Variants in INTS2 observed in about 807,000 individuals in gnomAD.
The protein encoded by INTS2 is KIAA1287.
Under a neutral mutation model 139.6 loss-of-function variants are expected in INTS2, and 57 were observed. The observed-to-expected ratio is 0.41, with a 90% CI of 0.33 to 0.51. The LOEUF (loss-of-function observed/expected upper bound fraction) is 0.51. INTS2 is among the 20% of genes least tolerant of loss of function. The pLI is 0.28. For synonymous variants in INTS2, 473 were observed against 493.4 expected, an observed-to-expected ratio of 0.96 and a Z score of 0.55; for missense variants, 1,196 against 1,436.7, an observed-to-expected ratio of 0.83 and a Z score of 2.71.
intron 15 of INTS2, among the ~76,000 whole-genome samples, chr17:61,888,799 C>A (rs962948999): frequency 1.3e-5 from 2 of 151,996 alleles, no homozygotes; most frequent in African/African-American, 4.8e-5. Context: ...CCGAGGCAGG[C>A]GGATCACGAG....
chr17:61,883,031 A>G (rs1428263967), intron 16 of INTS2, among the ~76,000 whole-genome samples: 1 of 152,214 alleles, frequency 6.6e-6, no homozygotes, highest in Non-Finnish European at 1.5e-5. Context: ...TAACAATCAA[A>G]AATGGCATTA....
At chr17:61,888,051 C>CA (rs954589309) in intron 15 of INTS2, among the ~76,000 whole-genome samples, 50 of 140,338 alleles carry the variant, frequency 3.6e-4, no homozygotes, top group East Asian at 1.0e-3. Flanking sequence ...GATTTTGTCT[C>CA]AAAAAAAAAA....
chr17:61,880,953 A>G (rs546906658), intron 17 of INTS2, 54 bp downstream of exon 17: 3 of 1,340,796 alleles, frequency 2.2e-6, no homozygotes, highest in South Asian at 1.3e-5. Flanking sequence ...CAATTAGCCT[A>G]GCATCTCCTT....
chr17:61,870,803 T>G lies in INTS2; in HGVS notation c.2779-815A>C, dbSNP rs1382631736. 6.6e-6 allele frequency among the ~76,000 whole-genome samples: 1 copy of G among 152,166 alleles called. No individual in the cohort carries two copies. On this transcript the variant is annotated intron_variant, in intron 20 of 24. Coordinates refer to ENST00000251334, the MANE Select transcript of INTS2 (RefSeq NM_001351695.2). The surrounding 1 kb of genome is among the most constrained non-coding windows in gnomAD (Gnocchi z 4.4). ...AGTTTTTGGTTATTGTTATTGTTAT[T>G]GTTTTGTTTTCTTTTGTTGTTGTTG...
chr17:61,881,192 C>A, intron 16 of INTS2, 21 bp from the exon 17 acceptor site: 3 of 1,596,580 alleles, frequency 1.9e-6, no homozygotes, highest in Non-Finnish European at 2.6e-6. Flanking sequence ...TACAGAAAAT[C>A]AATTGGATTC....
rs973806963 is a variant in INTS2, at chr17:61,909,692, T to C, written c.954+1828A>G. Among the ~76,000 whole-genome samples, 18 of 152,196 alleles carry C rather than the reference T, an allele frequency of 1.2e-4. No individual in the cohort carries two copies. Among genetic ancestry groups the C allele is most frequent in the Admixed American group, 5.9e-4 (9 of 15,262 alleles). On this transcript the variant is annotated intron_variant, in intron 7 of 24. Transcript: ENST00000251334. The surrounding 1 kb of genome is among the most constrained non-coding windows in gnomAD (Gnocchi z 4.9). ...TTTGTTTATGCGTTATTTCACTTAA[T>C]ATAATGGCCTCCAGTTCCATCCATG... is the stretch of plus-strand genomic sequence containing the variant.
chr17:61,886,128 G>A (rs1335767950), intron 15 of INTS2, among the ~76,000 whole-genome samples: 1 of 151,892 alleles, frequency 6.6e-6, no homozygotes, highest in East Asian at 1.9e-4. Flanking sequence ...TTGGCTCACT[G>A]CAACCTCTGC....
intron 16 of INTS2, among the ~76,000 whole-genome samples, chr17:61,884,607 C>T (rs1348386147): frequency 6.6e-6 from 1 of 151,932 alleles, no homozygotes; most frequent in Non-Finnish European, 1.5e-5. Context: ...CCACAAGAAC[C>T]TGCTGTTTCT....
chr17:61,911,382 T>C, intron 7 of INTS2, 138 bp downstream of exon 7: 1 of 616,490 alleles, frequency 1.6e-6, no homozygotes, highest in East Asian at 3.2e-5. Flanking sequence ...AGTGATTTTT[T>C]AAAATATAAG....
intron 11 of INTS2, among the ~76,000 whole-genome samples, chr17:61,895,676 A>G (rs1052443121): frequency 1.3e-5 from 2 of 152,144 alleles, no homozygotes; most frequent in Non-Finnish European, 2.9e-5. Context: ...GCCAAGAGAA[A>G]TATGTGTGTG....
chr17:61,897,327 A>G lies in INTS2; in HGVS notation c.1494+142T>C. 1.8e-6 allele frequency: 1 copy of G among 557,528 alleles called. No individual in the cohort carries two copies. Among genetic ancestry groups the G allele is most frequent in the Non-Finnish European group, 3.1e-6 (1 of 318,106 alleles). 34.5% of individuals were successfully genotyped at this position (557,528 alleles called of 1,614,324 possible). Reference sequence around the variant, plus strand: ...TATTTTAGTAAATACAGGTTTCAAAATGCATTTTTCTAAGCGCTCTTGATA... The same window carrying G: ...TATTTTAGTAAATACAGGTTTCAAAGTGCATTTTTCTAAGCGCTCTTGATA... On this transcript the variant is annotated intron_variant, in intron 11 of 24. Coordinates refer to ENST00000251334, the MANE Select transcript of INTS2 (RefSeq NM_001351695.2). This position sits in a 1 kb window ranked among gnomAD's most constrained non-coding sequence, Gnocchi z 4.4.
chr17:61,875,027 A>C lies in INTS2; in HGVS notation c.2468T>G (p.Met823Arg), dbSNP rs917489206. 3 of 1,593,146 alleles carry C rather than the reference A, an allele frequency of 1.9e-6. No individual in the cohort carries two copies. The highest frequency in any genetic ancestry group is 2.6e-6 in the Non-Finnish European group (3 of 1,168,978). Residue 823 changes from methionine to arginine, a missense_variant, in exon 19 of 25, where the codon ATG becomes AGG. Met to Arg is a moderately conservative substitution (Grantham distance 91, BLOSUM62 -1). Around this residue, in one of 3 missense-constraint regions of INTS2, gnomAD observed 1,129 missense variants for 1,341.9 expected, o/e 0.84. Coordinates refer to ENST00000251334, the MANE Select transcript of INTS2 (RefSeq NM_001351695.2). This position sits in a 1 kb window ranked among gnomAD's most constrained non-coding sequence, Gnocchi z 4.6. ...TGAAGGCTGAAGTGCATTAACCGTC[A>C]TTACCCATAGCCTGATAAGAAAATA... ...NTVMPRRLWVMTVNALQPSIK... is the reference protein window; with the variant it reads ...NTVMPRRLWVRTVNALQPSIK...
rs754345780 is a variant in INTS2 at position 61,881,181 on chromosome 17, T to G, written c.2090-10A>C. The stretch of plus-strand genomic sequence containing the variant: ...AAAGCTGAATGCAACCCTTGAAAAT[T>G]TACAGAAAATCAATTGGATTCTTCA... On this transcript the variant is annotated splice_polypyrimidine_tract_variant and intron_variant, in intron 16 of 24. Coordinates refer to ENST00000251334, the MANE Select transcript of INTS2 (RefSeq NM_001351695.2). 8.1e-6 allele frequency: 13 copies of G among 1,603,442 alleles called. No homozygotes were observed. Among genetic ancestry groups the G allele is most frequent in the African/African-American group, 2.7e-5 (2 of 74,508 alleles).
chr17:61,871,129 T>G lies in INTS2; in HGVS notation c.2778+1136A>C, dbSNP rs2079084989. Among the ~76,000 whole-genome samples the G allele has an allele frequency of 6.6e-6, 1 of 152,198 alleles. No homozygotes were observed. Among genetic ancestry groups the G allele is most frequent in the Non-Finnish European group, 1.5e-5 (1 of 68,028 alleles). On this transcript the variant is annotated intron_variant, in intron 20 of 24. Coordinates refer to ENST00000251334, the MANE Select transcript of INTS2 (RefSeq NM_001351695.2). This position sits in a 1 kb window ranked among gnomAD's most constrained non-coding sequence, Gnocchi z 4.9. ...ATTGATTTATTTTATTGATTTTTGT[T>G]GTTGTTGTTGAGATGGAGTCTCGCT...
In INTS2 at chr17:61,893,760, C is replaced by T. The variant is rs905588081; in HGVS notation, c.1698+5G>A. 1.9e-6 allele frequency: 3 copies of T among 1,570,824 alleles called. No homozygotes were observed. Among genetic ancestry groups the T allele is most frequent in the Non-Finnish European group, 1.7e-6 (2 of 1,156,718 alleles). On this transcript the variant is annotated splice_donor_5th_base_variant and intron_variant, in intron 13 of 24. Coordinates refer to ENST00000251334, the MANE Select transcript of INTS2 (RefSeq NM_001351695.2). The surrounding 1 kb of genome is among the most constrained non-coding windows in gnomAD (Gnocchi z 5.4). Reference sequence around the variant, plus strand: ...TTTTATTTTGTTTTATTTGTAGGGGCATACTTTTATTGACACTTTGTGCTT... The same window carrying T: ...TTTTATTTTGTTTTATTTGTAGGGGTATACTTTTATTGACACTTTGTGCTT...
intron 5 of INTS2, among the ~76,000 whole-genome samples, chr17:61,918,752 A>G (rs1361029757): frequency 2.0e-5 from 3 of 152,142 alleles, no homozygotes; most frequent in Non-Finnish European, 4.4e-5. Context: ...ATTTTTCTCA[A>G]TTTCTACTTT....
chr17:61,900,224 G>A (rs1302037291), intron 9 of INTS2, among the ~76,000 whole-genome samples: 1 of 152,130 alleles, frequency 6.6e-6, no homozygotes, highest in Non-Finnish European at 1.5e-5. Context: ...AATTCCCAAA[G>A]GGCTCAGGCT....
rs986869050 is a variant in INTS2, at chr17:61,868,429, C to T, written c.3245-420G>A. On this transcript the variant is annotated intron_variant, in intron 23 of 24. Transcript: ENST00000251334. The surrounding 1 kb of genome is among the most constrained non-coding windows in gnomAD (Gnocchi z 4.7). ...AAATAATTATAACAGGATATAAATA[C>T]GATGAAAAGAAAAACAACAGGGTAT... Among the ~76,000 whole-genome samples the T allele has an allele frequency of 2.0e-5, 3 of 151,580 alleles. No homozygotes were observed. Among genetic ancestry groups the T allele is most frequent in the Non-Finnish European group, 2.9e-5 (2 of 67,882 alleles).
intron 17 of INTS2, 31 bp downstream of exon 17, chr17:61,880,976 G>A (rs777356411): frequency 5.8e-6 from 9 of 1,547,106 alleles, no homozygotes; most frequent in Non-Finnish European, 8.0e-6. Flanking sequence ...ACTACAAAAG[G>A]GGTTAAAGGA....
Sources: allele counts gnomAD v4.1 joint callset (sites outside exome capture counted in the v4.1 genomes callset), GRCh38; gene constraint gnomAD v4.1.1; regional missense constraint gnomAD v4.1.1; non-coding constraint Gnocchi (gnomAD v3.1); transcripts MANE v1.5; gene names NCBI Gene and HGNC (gene_info 2026-07-23, HGNC 2026-07-21).